The following METTL8 variants were observed in gnomAD, a reference collection of about 807,000 sequenced individuals.
METTL8 encodes methyltransferase 8, tRNA N3-cytidine.
Under a neutral mutation model 48.7 loss-of-function variants are expected in METTL8, and 32 were observed. The observed-to-expected ratio is 0.66, with a 90% CI of 0.50 to 0.88. The LOEUF (loss-of-function observed/expected upper bound fraction) is 0.88, where lower values mean the gene tolerates loss of function less well. METTL8 is among the 40% of genes least tolerant of loss of function. METTL8 has a pLI of 0.00. For missense variants in METTL8, 464 were observed against 474.4 expected, an observed-to-expected ratio of 0.98 and a Z score of 0.20; for synonymous variants, 136 against 157.1, an observed-to-expected ratio of 0.87 and a Z score of 1.01.
At chr2:171,356,057 G>A (rs1205727123) in intron 3 of METTL8, among the ~76,000 whole-genome samples, 7 of 152,302 alleles carry the variant, frequency 4.6e-5, no homozygotes, top group South Asian at 4.1e-4. Flanking sequence ...CTTCTGCATC[G>A]CTCATGCTGG....
rs1684286122 is a variant in METTL8, at chr2:171,316,844, C to A, written c.*7328G>T. ...ACTGGCAATTTCAGCCATTCTCTTT[C>A]AGGCAATTTTCAGTGCGAGTGCCAA... On this transcript the variant is annotated 3_prime_UTR_variant, in exon 10 of 10. Coordinates refer to ENST00000375258, the MANE Select transcript of METTL8 (RefSeq NM_001321154.2). Among the ~76,000 whole-genome samples, 1 of 152,154 alleles carries A rather than the reference C, an allele frequency of 6.6e-6. No individual in the cohort carries two copies. Among genetic ancestry groups the A allele is most frequent in the Non-Finnish European group, 1.5e-5 (1 of 68,024 alleles).
chr2:171,343,244 G>A (rs1686954976), intron 3 of METTL8, among the ~76,000 whole-genome samples: 1 of 151,992 alleles, frequency 6.6e-6, no homozygotes, highest in African/African-American at 2.4e-5. Flanking sequence ...GCTCGAGACC[G>A]GCCTGACCAA....
chr2:171,431,096 T>A (rs933555208), intron 1 of METTL8, among the ~76,000 whole-genome samples: 7 of 152,186 alleles, frequency 4.6e-5, no homozygotes, highest in Admixed American at 4.6e-4. Context: ...TTAGCCAGCT[T>A]GCTTTAGGCA....
rs1194285374 is a variant in METTL8 at position 171,316,884 on chromosome 2, G to T, written c.*7288C>A. ...GCGAGTGCCAAATGCTGCTTAGGGG[G>T]ATATGTCTCTGCTCACCTGAGGGAG... On this transcript the variant is annotated 3_prime_UTR_variant, in exon 10 of 10. Coordinates refer to ENST00000375258, the MANE Select transcript of METTL8 (RefSeq NM_001321154.2). Among the ~76,000 whole-genome samples the T allele has an allele frequency of 1.3e-5, 2 of 152,130 alleles. No individual in the cohort carries two copies. Among genetic ancestry groups the T allele is most frequent in the African/African-American group, 4.8e-5 (2 of 41,420 alleles).
At chr2:171,395,182 G>A (rs1462975209) in intron 1 of METTL8, among the ~76,000 whole-genome samples, 1 of 152,122 alleles carries the variant, frequency 6.6e-6, no homozygotes, top group Admixed American at 6.5e-5. Context: ...GTTTAACTCA[G>A]ATAATTGCAC....
chr2:171,423,775 G>A (rs1692119111), intron 1 of METTL8, among the ~76,000 whole-genome samples: 1 of 152,224 alleles, frequency 6.6e-6, no homozygotes, highest in South Asian at 2.1e-4. Flanking sequence ...TGATAATGCA[G>A]TAGAAATGAA....
chr2:171,378,976 C>T (rs1310960222), intron 2 of METTL8, among the ~76,000 whole-genome samples: 1 of 152,232 alleles, frequency 6.6e-6, no homozygotes, highest in East Asian at 1.9e-4. Flanking sequence ...TGCCATATGG[C>T]ACTTCCTCTA....
intron 5 of METTL8, 122 bp downstream of exon 5, chr2:171,337,331 G>T: frequency 1.6e-6 from 1 of 617,644 alleles, no homozygotes; most frequent in Non-Finnish European, 2.7e-6. Context: ...AAATTTGCTT[G>T]AGCCATTGTT....
chr2:171,321,785 A>G lies in METTL8; in HGVS notation c.*2387T>C, dbSNP rs1263826008. Reference sequence around the variant, plus strand: ...TGTACTCTATTTATGCTCCCTGAAGAGCATAAACAAGGCTGGGTCTTTATT... The same window carrying G: ...TGTACTCTATTTATGCTCCCTGAAGGGCATAAACAAGGCTGGGTCTTTATT... On this transcript the variant is annotated 3_prime_UTR_variant, in exon 10 of 10. Transcript: ENST00000375258. 4.6e-5 allele frequency: 7 copies of G among 152,102 alleles called. No homozygotes were observed. The highest frequency in any genetic ancestry group is 3.2e-3 in the Middle Eastern group (1 of 316). 9.4% of individuals were successfully genotyped at this position (152,102 alleles called of 1,614,324 possible). A position where few individuals can be genotyped will look rare whatever the true frequency, so the allele number is the denominator to read the frequency against.
At chr2:171,378,519 C>G (rs1453878887) in intron 2 of METTL8, among the ~76,000 whole-genome samples, 1 of 152,084 alleles carries the variant, frequency 6.6e-6, no homozygotes, top group Non-Finnish European at 1.5e-5. Flanking sequence ...GTAGTCCCAG[C>G]TACTTGGGAA....
rs1423076636 is a variant in METTL8, at chr2:171,322,114, C to G, written c.*2058G>C. On this transcript the variant is annotated 3_prime_UTR_variant, in exon 10 of 10. Transcript: ENST00000375258. ...AGTAGCTGGGATTACAGGTGCCCAC[C>G]ACCACGCCTGGCTAATTTTTTTTGT... 5 of 151,900 alleles carry G rather than the reference C, an allele frequency of 3.3e-5. No homozygotes were observed. The highest frequency in any genetic ancestry group is 3.1e-3 in the Middle Eastern group (1 of 318). 9.4% of individuals were successfully genotyped at this position (151,900 alleles called of 1,614,324 possible). A position where few individuals can be genotyped will look rare whatever the true frequency, so the allele number is the denominator to read the frequency against.
intron 1 of METTL8, among the ~76,000 whole-genome samples, chr2:171,418,861 G>T (rs556556635): frequency 6.2e-4 from 95 of 152,148 alleles, no homozygotes; most frequent in African/African-American, 2.0e-3. Context: ...AGGCTGAGGT[G>T]GGAAGACTGC....
intron 1 of METTL8, among the ~76,000 whole-genome samples, chr2:171,411,031 A>T (rs778504724): frequency 3.9e-5 from 6 of 152,204 alleles, no homozygotes; most frequent in Non-Finnish European, 7.3e-5. Context: ...AGTGGGAAAG[A>T]TCCCTCTACA....
intron 1 of METTL8, among the ~76,000 whole-genome samples, chr2:171,399,443 A>G (rs1268595863): frequency 6.6e-6 from 1 of 152,164 alleles, no homozygotes; most frequent in African/African-American, 2.4e-5. Flanking sequence ...CAGCATACAT[A>G]GTAACCATGA....
At chr2:171,383,531 T>G (rs1687766342) in intron 2 of METTL8, among the ~76,000 whole-genome samples, 1 of 152,218 alleles carries the variant, frequency 6.6e-6, no homozygotes, top group African/African-American at 2.4e-5. Flanking sequence ...ATATGTTATG[T>G]ACACATGTGC....
At chr2:171,403,564 A>T (rs1221674007) in intron 1 of METTL8, among the ~76,000 whole-genome samples, 1 of 152,144 alleles carries the variant, frequency 6.6e-6, no homozygotes, top group African/African-American at 2.4e-5. Context: ...AAGTAAGGAA[A>T]TGTGAATAAA....
In METTL8 at chr2:171,320,779, AG is replaced by A. The variant is rs1684487784; in HGVS notation, c.*3392del. The A allele has an allele frequency of 6.6e-6, 1 of 152,252 alleles. No homozygotes were observed. The highest frequency in any genetic ancestry group is 1.9e-4 in the East Asian group (1 of 5,204). 9.4% of individuals were successfully genotyped at this position (152,252 alleles called of 1,614,324 possible). On this transcript the variant is annotated 3_prime_UTR_variant, in exon 10 of 10. Transcript: ENST00000375258. ...TTGTACTTTTGAGGACTTGCCATCA[AG>A]GCAAGTTTGTGCAAAAACCTTTATG...
intron 3 of METTL8, among the ~76,000 whole-genome samples, chr2:171,347,109 G>A (rs1310167748): frequency 1.3e-5 from 2 of 152,198 alleles, no homozygotes; most frequent in African/African-American, 4.8e-5. Flanking sequence ...GTGTTACAGA[G>A]GGGATGCAGA....
intron 1 of METTL8, among the ~76,000 whole-genome samples, chr2:171,428,100 C>A (rs562578109): frequency 6.6e-6 from 1 of 152,162 alleles, no homozygotes; most frequent in East Asian, 1.9e-4. Flanking sequence ...GTTAAGTATT[C>A]TGTAAACATA....
Sources: allele counts gnomAD v4.1 joint callset (sites outside exome capture counted in the v4.1 genomes callset), GRCh38; gene constraint gnomAD v4.1.1; transcripts MANE v1.5; gene names NCBI Gene and HGNC (gene_info 2026-07-23, HGNC 2026-07-21).